Variants in CNTNAP2 observed in about 807,000 individuals in gnomAD.
CNTNAP2 encodes the protein contactin-associated protein-like 2.
CNTNAP2 carries 98 observed loss-of-function variants against 155.2 expected under a neutral mutation model. That is an observed-to-expected ratio of 0.63 (90% CI 0.54 to 0.75). The LOEUF is 0.75. CNTNAP2 is among the 30% of genes least tolerant of loss of function. The pLI, the probability that CNTNAP2 is intolerant of heterozygous loss-of-function variation, is 0.00. For missense variants in CNTNAP2, 1,727 were observed against 1,688.1 expected, an observed-to-expected ratio of 1.02 and a Z score of -0.40; for synonymous variants, 651 against 631.2, an observed-to-expected ratio of 1.03 and a Z score of -0.47.
rs537841069 is a variant in CNTNAP2, at chr7:146,289,713, A to G, written c.97+172740A>G. On this transcript the variant is annotated intron_variant, in intron 1 of 23. Transcript: ENST00000361727. ...AATTTACTCTTTTATCAGAACAAAGAAAATTTCACACACACAATCTCTTTT... is the reference window on the plus strand; with the variant it reads ...AATTTACTCTTTTATCAGAACAAAGGAAATTTCACACACACAATCTCTTTT... Among the ~76,000 whole-genome samples the G allele has an allele frequency of 2.0e-5, 3 of 152,330 alleles. No individual in the cohort carries two copies. The South Asian group carries it at 6.2e-4, about 32-fold the overall frequency.
intron 21 of CNTNAP2, among the ~76,000 whole-genome samples, chr7:148,349,455 G>T (rs1422413831): frequency 1.4e-5 from 2 of 143,566 alleles, no homozygotes; most frequent in South Asian, 4.4e-4. Context: ...GGGCTGGAGT[G>T]CAGTGGCGCT....
chr7:146,285,526 G>A (rs964512697), intron 1 of CNTNAP2, among the ~76,000 whole-genome samples: 31 of 151,814 alleles, frequency 2.0e-4, no homozygotes, highest in African/African-American at 7.5e-4. Flanking sequence ...ACTATTTTTA[G>A]GTAAACTGTG....
chr7:147,225,880 AAGG>A (rs1206571830), intron 8 of CNTNAP2, among the ~76,000 whole-genome samples: 3 of 80,748 alleles, frequency 3.7e-5, no homozygotes, highest in Non-Finnish European at 7.0e-5. Flanking sequence ...GGAGGGAAAG[AAGG>A]AAGGAAGGAA....
chr7:146,947,549 G>A (rs1450428917), intron 3 of CNTNAP2, among the ~76,000 whole-genome samples: 2 of 61,094 alleles, frequency 3.3e-5, no homozygotes, highest in South Asian at 6.6e-4. Context: ...GTGTATGTGT[G>A]TGTGTGTGTA....
chr7:146,888,237 T>C (rs1339294566), intron 3 of CNTNAP2, among the ~76,000 whole-genome samples: 1 of 152,130 alleles, frequency 6.6e-6, no homozygotes, highest in African/African-American at 2.4e-5. Flanking sequence ...TGGTTTTATT[T>C]TGGGCAGAAC....
chr7:147,168,606 T>G (rs1404233839), intron 8 of CNTNAP2, among the ~76,000 whole-genome samples: 2 of 152,148 alleles, frequency 1.3e-5, no homozygotes, highest in African/African-American at 4.8e-5. Flanking sequence ...ATTTAAAATA[T>G]TTTAATAGAT....
chr7:146,349,108 CT>C (rs1794873518), intron 1 of CNTNAP2, among the ~76,000 whole-genome samples: 2 of 152,170 alleles, frequency 1.3e-5, no homozygotes, highest in African/African-American at 4.8e-5. Context: ...TTAGGTCAGG[CT>C]TATTCAGGAT....
chr7:147,743,265 C>T (rs999414272), intron 13 of CNTNAP2, among the ~76,000 whole-genome samples: 7 of 152,084 alleles, frequency 4.6e-5, no homozygotes, highest in East Asian at 1.9e-4. Context: ...CACCTGTATC[C>T]GAAATCTCCC....
intron 1 of CNTNAP2, among the ~76,000 whole-genome samples, chr7:146,228,570 A>G (rs879732259): frequency 1.3e-5 from 2 of 152,216 alleles, no homozygotes; most frequent in Admixed American, 6.5e-5. Flanking sequence ...CTCTTTATGC[A>G]TTAATAGTAA....
At chr7:146,185,761 C>CTTTTTTTTTTTT (rs1554400924) in intron 1 of CNTNAP2, among the ~76,000 whole-genome samples, 1 of 94,888 alleles carries the variant, frequency 1.1e-5, no homozygotes. Context: ...TTTTATTATT[C>CTTTTTTTTTTTT]TTTTTTTTTT....
intron 3 of CNTNAP2, among the ~76,000 whole-genome samples, chr7:147,038,763 G>T (rs766935973): frequency 1.3e-5 from 2 of 152,160 alleles, no homozygotes; most frequent in Non-Finnish European, 2.9e-5. Flanking sequence ...TTTACATTAT[G>T]CAATGGTCTT....
chr7:146,380,822 C>CG (rs1209304990), intron 1 of CNTNAP2, among the ~76,000 whole-genome samples: 1 of 83,648 alleles, frequency 1.2e-5, no homozygotes, highest in Non-Finnish European at 2.0e-5. Flanking sequence ...TTTTTTGAGA[C>CG]GGAGTCTCGC....
intron 1 of CNTNAP2, among the ~76,000 whole-genome samples, chr7:146,722,136 T>A (rs1245068925): frequency 6.6e-6 from 1 of 151,584 alleles, no homozygotes; most frequent in Non-Finnish European, 1.5e-5. Flanking sequence ...GTGATCCACC[T>A]ACCTTGGCCT....
intron 13 of CNTNAP2, among the ~76,000 whole-genome samples, chr7:147,640,257 C>T (rs1395113210): frequency 6.6e-6 from 1 of 152,008 alleles, no homozygotes; most frequent in Admixed American, 6.6e-5. Context: ...TACTTAAAAT[C>T]CATGCTTAGC....
chr7:148,062,813 G>A (rs1467273528), intron 15 of CNTNAP2, among the ~76,000 whole-genome samples: 1 of 152,098 alleles, frequency 6.6e-6, no homozygotes, highest in Non-Finnish European at 1.5e-5. Flanking sequence ...TAAGAGCAGA[G>A]CTTAATGAAA....
At chr7:147,924,917 A>C (rs1800357565) in intron 14 of CNTNAP2, among the ~76,000 whole-genome samples, 1 of 151,952 alleles carries the variant, frequency 6.6e-6, no homozygotes, top group Non-Finnish European at 1.5e-5. Flanking sequence ...GGAGATCAAG[A>C]CCATCCTGGC....
intron 15 of CNTNAP2, among the ~76,000 whole-genome samples, chr7:148,020,024 T>G (rs1026859256): frequency 6.6e-6 from 1 of 151,964 alleles, no homozygotes; most frequent in Admixed American, 6.6e-5. Context: ...ACCTCAGGAG[T>G]GGTCCATCAG....
intron 8 of CNTNAP2, among the ~76,000 whole-genome samples, chr7:147,250,173 C>T (rs1380359418): frequency 6.6e-6 from 1 of 152,038 alleles, no homozygotes; most frequent in Non-Finnish European, 1.5e-5. Flanking sequence ...GCAGAGGCTG[C>T]GAACACCCAT....
At chr7:146,155,851 C>G (rs1350908432) in intron 1 of CNTNAP2, among the ~76,000 whole-genome samples, 1 of 151,860 alleles carries the variant, frequency 6.6e-6, no homozygotes, top group East Asian at 1.9e-4. Context: ...AGGTGCCCAC[C>G]ACCATGCCTG....
Sources: allele counts gnomAD v4.1 joint callset (sites outside exome capture counted in the v4.1 genomes callset), GRCh38; gene constraint gnomAD v4.1.1; transcripts MANE v1.5; gene names NCBI Gene and HGNC (gene_info 2026-07-23, HGNC 2026-07-21).